Variants in VCAN observed in about 807,000 individuals in gnomAD.
VCAN encodes versican core protein.
VCAN carries 44 observed loss-of-function variants against 245.5 expected under a neutral mutation model. The ratio of observed to expected loss-of-function variants is 0.18; its 90% CI spans 0.14 to 0.23. VCAN has a LOEUF of 0.23. VCAN is among the 10% of genes least tolerant of loss of function. The pLI is 1.00. For synonymous variants in VCAN, 1,413 were observed against 1,437.0 expected (o/e 0.98, Z 0.38); for missense variants, 3,793 against 4,057.9 (o/e 0.93, Z 1.77).
intron 1 of VCAN, among the ~76,000 whole-genome samples, chr5:83,478,323 A>G (rs1008034171): frequency 6.6e-6 from 1 of 152,228 alleles, no homozygotes; most frequent in African/African-American, 2.4e-5. Context: ...ATACTGTTGT[A>G]TGAAAGTAAA....
At chr5:83,574,783 T>A (rs924593357) in intron 13 of VCAN, among the ~76,000 whole-genome samples, 2 of 152,174 alleles carry the variant, frequency 1.3e-5, no homozygotes, top group East Asian at 3.8e-4. Context: ...ATATCTGTAG[T>A]TGAATATTTA....
At position 83,562,915 on chromosome 5, in the gene VCAN, A is replaced by G. The variant is rs865873291; in HGVS notation, c.9735+7877A>G. 3.9e-5 allele frequency among the ~76,000 whole-genome samples: 6 copies of G among 152,286 alleles called. No individual in the cohort carries two copies. In the Middle Eastern group the frequency reaches 0.01, roughly 259 times the overall value. On this transcript the variant is annotated intron_variant, in intron 12 of 14. Coordinates refer to ENST00000265077, the MANE Select transcript of VCAN (RefSeq NM_004385.5). ...ATAATTGCTGCTTTGTAGGGCAGTG[A>G]GCTCACACTATTACACAAGATTAGT...
chr5:83,580,421 A>G lies in VCAN; in HGVS notation c.10178A>G (p.Glu3393Gly), dbSNP rs1748632251. 6.2e-7 allele frequency: 1 copy of G among 1,613,740 alleles called. No individual in the cohort carries two copies. The highest frequency in any genetic ancestry group is 1.7e-5 in the Admixed American group (1 of 59,958). Residue 3393 changes from glutamate to glycine, a missense_variant, in exon 15 of 15, where the codon GAG becomes GGG. Transcript: ENST00000265077. ...HDHRWSRRWQ[E>G]SRR ...CATCGTTGGAGCCGGAGGTGGCAGGAGTCGAGGCGCTGATCCCTAAAATGG... is the reference window on the plus strand; with the variant it reads ...CATCGTTGGAGCCGGAGGTGGCAGGGGTCGAGGCGCTGATCCCTAAAATGG...
intron 8 of VCAN, among the ~76,000 whole-genome samples, chr5:83,543,563 A>G (rs1747085955): frequency 6.6e-6 from 1 of 152,220 alleles, no homozygotes; most frequent in African/African-American, 2.4e-5. Context: ...GATCAAAGGT[A>G]GTTGACATTG....
At chr5:83,578,011 T>C (rs946600617) in intron 13 of VCAN, among the ~76,000 whole-genome samples, 2 of 152,218 alleles carry the variant, frequency 1.3e-5, no homozygotes, top group African/African-American at 2.4e-5. Flanking sequence ...ATCAAGTACA[T>C]TGAATTATTG....
At position 83,538,465 on chromosome 5, in the gene VCAN, T is replaced by C; in HGVS notation, c.5462T>C (p.Leu1821Pro). 6.2e-7 allele frequency: 1 copy of C among 1,613,974 alleles called. No homozygotes were observed. The highest frequency in any genetic ancestry group is 8.5e-7 in the Non-Finnish European group (1 of 1,179,948). The part of the protein sequence containing the change: ...SIHQPGVQEG[L>P]TTLPRSPASV... ...CATCAACCTGGGGTTCAGGAAGGGC[T>C]GACCACTCTCCCACGTAGTCCTGCC... Residue 1821 changes from leucine (L) to proline (P), a missense_variant, in exon 8 of 15, where the codon CTG becomes CCG. Transcript: ENST00000265077.
intron 12 of VCAN, among the ~76,000 whole-genome samples, chr5:83,557,666 T>G (rs1747724973): frequency 6.6e-6 from 1 of 152,178 alleles, no homozygotes; most frequent in Non-Finnish European, 1.5e-5. Context: ...AGAAAGGTCC[T>G]AAACGTGGTA....
At chr5:83,551,914 A>G (rs1157409482) in intron 10 of VCAN, among the ~76,000 whole-genome samples, 3 of 152,220 alleles carry the variant, frequency 2.0e-5, no homozygotes, top group African/African-American at 7.2e-5. Flanking sequence ...TGCTACTTTT[A>G]TACCAAACCA....
chr5:83,554,956 G>T lies in VCAN; in HGVS notation c.9653G>T (p.Arg3218Leu). 1 of 1,613,438 alleles carries T rather than the reference G, an allele frequency of 6.2e-7. No individual in the cohort carries two copies. The highest frequency in any genetic ancestry group is 8.5e-7 in the Non-Finnish European group (1 of 1,179,532). The change falls in exon 12 of 15, where the codon CGT becomes CTT. Residue 3218 changes from arginine (R) to leucine (L), a missense_variant and splice_region_variant. Transcript: ENST00000265077. ...LSHEEQMFVNRVGHDYQWIGL... is the reference protein window; with the variant it reads ...LSHEEQMFVNLVGHDYQWIGL... ...ATCTGTGTGGTTTCCTATCCCTTAG[G>T]TGTGGGCCATGATTATCAGTGGATA...
intron 13 of VCAN, among the ~76,000 whole-genome samples, chr5:83,575,984 G>A (rs1300583581): frequency 6.6e-6 from 1 of 151,856 alleles, no homozygotes; most frequent in Non-Finnish European, 1.5e-5. Flanking sequence ...ATGTTTATAG[G>A]CTTTTAAAAA....
In VCAN at chr5:83,541,039, C is replaced by G. The variant is rs1364859280; in HGVS notation, c.8036C>G (p.Thr2679Arg). The G allele has an allele frequency of 6.2e-7, 1 of 1,614,080 alleles. No homozygotes were observed. Among genetic ancestry groups the G allele is most frequent in the Non-Finnish European group, 8.5e-7 (1 of 1,179,998 alleles). The change falls in exon 8 of 15, where the codon ACA becomes AGA. Residue 2679 changes from threonine (T) to arginine (R), a missense_variant. Thr to Arg is a moderately conservative substitution (Grantham distance 71). Around this residue, in one of 5 missense-constraint regions of VCAN, gnomAD observed 3,182 missense variants for 3,250.3 expected, o/e 0.98. Transcript: ENST00000265077. ...HFTTGIPAPSTETELDVLLPT... is the reference protein window; with the variant it reads ...HFTTGIPAPSRETELDVLLPT... ...ACAACTGGGATCCCTGCTCCTAGCA[C>G]AGAAACAGAATTAGACGTTTTACTT...
chr5:83,538,363 C>T lies in VCAN; in HGVS notation c.5360C>T (p.Thr1787Ile), dbSNP rs766730356. ...TTPTQSEREM[T>I]DSTPVFTETN... Reference sequence around the variant, plus strand: ...CCAACACAGTCTGAAAGGGAAATGACAGATTCTACTCCTGTCTTTACAGAA... The same window carrying T: ...CCAACACAGTCTGAAAGGGAAATGATAGATTCTACTCCTGTCTTTACAGAA... Residue 1787 changes from threonine to isoleucine, a missense_variant, in exon 8 of 15, where the codon ACA (threonine) becomes ATA (isoleucine). Thr to Ile is a moderately conservative substitution (Grantham distance 89). Transcript: ENST00000265077. 1 of 1,614,028 alleles carries T rather than the reference C, an allele frequency of 6.2e-7. No individual in the cohort carries two copies. The highest frequency in any genetic ancestry group is 8.5e-7 in the Non-Finnish European group (1 of 1,179,972).
At chr5:83,481,213 A>T (rs1436618600) in intron 1 of VCAN, among the ~76,000 whole-genome samples, 2 of 151,472 alleles carry the variant, frequency 1.3e-5, no homozygotes, top group Non-Finnish European at 2.9e-5. Flanking sequence ...ATTATTATTT[A>T]TAAGTATAAT....
chr5:83,483,649 G>T, intron 2 of VCAN, 61 bp downstream of exon 2: 1 of 1,448,040 alleles, frequency 6.9e-7, no homozygotes. Context: ...GCTGGAGGAT[G>T]AAATGGCAAT....
chr5:83,530,708 G>A (rs182851100), intron 7 of VCAN, among the ~76,000 whole-genome samples: 15 of 152,222 alleles, frequency 9.9e-5, no homozygotes, highest in African/African-American at 2.9e-4. Context: ...TTTGTTAAGC[G>A]AATAGCTCCA....
chr5:83,559,024 G>T (rs925416758), intron 12 of VCAN, among the ~76,000 whole-genome samples: 1 of 151,924 alleles, frequency 6.6e-6, no homozygotes, highest in Non-Finnish European at 1.5e-5. Context: ...CTTGACTATT[G>T]TTAACTTGAC....
In VCAN at chr5:83,520,781, A is replaced by G; in HGVS notation, c.2475A>G (p.Lys825=). The G allele has an allele frequency of 6.2e-7, 1 of 1,614,126 alleles. No individual in the cohort carries two copies. The change falls in exon 7 of 15, where the codon AAA becomes AAG. Residue 825 remains lysine (K), a synonymous_variant. Transcript: ENST00000265077. ...LESTEPSASS[K]LPPALLTTVG... is the part of the protein sequence containing the mutation. ...CTACAGAACCTTCAGCCTCTTCAAA[A>G]TTGCCCCCTGCCTTACTCACAACTG... is the stretch of plus-strand genomic sequence containing the variant.
rs748737297 is a variant in VCAN at position 83,541,673 on chromosome 5, C to T, written c.8670C>T (p.Pro2890=). 3 of 1,613,766 alleles carry T rather than the reference C, an allele frequency of 1.9e-6. No individual in the cohort carries two copies. The highest frequency in any genetic ancestry group is 1.6e-4 in the Middle Eastern group (1 of 6,080). The change falls in exon 8 of 15, where the codon CCC becomes CCT. Residue 2890 remains proline, a synonymous_variant. Transcript: ENST00000265077. ...AATACCTTCACATAACTGAGCCTCC[C>T]TCTTTATCTCCTGACACAAAATTAG... ...SEEYLHITEP[P]SLSPDTKLEP... is the part of the protein sequence containing the mutation.
chr5:83,575,062 T>C lies in VCAN; in HGVS notation c.9880+2502T>C, dbSNP rs139679294. ...ACCCATCTCAAATAAGAGTACGAAG[T>C]ACACATGTAAAATATAAACCTATTT... is the stretch of plus-strand genomic sequence containing the variant. On this transcript the variant is annotated intron_variant, in intron 13 of 14. Transcript: ENST00000265077. Among the ~76,000 whole-genome samples the C allele has an allele frequency of 1.2e-4, 19 of 152,260 alleles. No homozygotes were observed. The Middle Eastern group carries it at 0.01, about 82-fold the overall frequency.
Sources: gnomAD v4.1 joint callset for allele counts (sites outside exome capture counted in the v4.1 genomes callset) on GRCh38, gnomAD v4.1.1 for gene constraint, gnomAD v4.1.1 regional missense constraint, MANE v1.5 for transcripts, NCBI Gene and HGNC (gene_info 2026-07-23, HGNC 2026-07-21) for gene names.